MFN1: variants seen among roughly 807,000 people sequenced by gnomAD.
MFN1 encodes the protein mitofusin 1.
In MFN1, 65 loss-of-function variants were observed where a neutral mutation model predicts 92.4. That is an observed-to-expected ratio of 0.70 (90% CI 0.58 to 0.86). MFN1 has a LOEUF of 0.86. Ranked by LOEUF, MFN1 falls within the 40% of genes least tolerant of loss-of-function variation. The probability of loss-of-function intolerance (pLI) is 0.00; values close to 1 mark genes in which losing one functional copy is unlikely to be tolerated. For missense variants in MFN1, 781 were observed against 868.0 expected (o/e 0.90, Z 1.26); for synonymous variants, 297 against 300.9 (o/e 0.99, Z 0.13).
chr3:179,353,842 C>G (rs1016642691), intron 3 of MFN1, among the ~76,000 whole-genome samples: 1 of 152,230 alleles, frequency 6.6e-6, no homozygotes, highest in Non-Finnish European at 1.5e-5. Context: ...TTCCCTTTGC[C>G]TACAACTCAC....
At chr3:179,368,309 T>G (rs1000903444) in intron 9 of MFN1, among the ~76,000 whole-genome samples, 10 of 152,268 alleles carry the variant, frequency 6.6e-5, no homozygotes, top group African/African-American at 1.9e-4. Flanking sequence ...AGATTGTAAT[T>G]TATTCCTTAT....
At chr3:179,360,537 C>T (rs1382022466) in intron 4 of MFN1, among the ~76,000 whole-genome samples, 2 of 138,770 alleles carry the variant, frequency 1.4e-5, no homozygotes, top group African/African-American at 2.8e-5. Context: ...AATTCAGTGC[C>T]ACTCCTTCAG....
At chr3:179,366,886 C>T (rs963091932) in intron 7 of MFN1, among the ~76,000 whole-genome samples, 2 of 152,194 alleles carry the variant, frequency 1.3e-5, no homozygotes, top group Non-Finnish European at 2.9e-5. Flanking sequence ...CATTGCAATT[C>T]TAATGCCTGG....
chr3:179,374,862 A>G (rs1017787952), intron 9 of MFN1, among the ~76,000 whole-genome samples: 1 of 152,204 alleles, frequency 6.6e-6, no homozygotes, highest in Admixed American at 6.5e-5. Flanking sequence ...AATAATCTAG[A>G]TAGAAGGACT....
rs202203450 is a variant in MFN1 at position 179,376,967 on chromosome 3, TG to T, written c.1098-74del. The T allele has an allele frequency of 1.5e-3, 2,196 of 1,481,564 alleles. 33 individuals carry two copies. In the African/African-American group the frequency reaches 0.028, roughly 19 times the overall value. The allele number at this position is 1,481,564 out of a possible 1,614,324, so 91.8% of individuals were successfully genotyped here. ...TCATGCTAATAGATGGTTCAATACA[TG>T]AATGAGTCCCTTGCTGAAATGCTTT... On this transcript the variant is annotated intron_variant, in intron 10 of 17. Coordinates refer to ENST00000471841, the MANE Select transcript of MFN1 (RefSeq NM_033540.3).
At chr3:179,348,179 G>C (rs1210832644) in intron 1 of MFN1, 1 of 152,416 alleles carries the variant, frequency 6.6e-6, no homozygotes, top group Non-Finnish European at 1.5e-5. Context: ...TTCCCACGCA[G>C]CTCCTTCGCG....
rs1713927382 is a variant in MFN1, at chr3:179,392,143, T to C, written c.*84T>C. ...AGTTGTTATTTTTATGAAATTACTT[T>C]AAATATGAATTGTACTAACTGTACC... On this transcript the variant is annotated 3_prime_UTR_variant, in exon 18 of 18. Transcript: ENST00000471841. The C allele has an allele frequency of 5.7e-6, 5 of 881,294 alleles. No homozygotes were observed. Among genetic ancestry groups the C allele is most frequent in the Non-Finnish European group, 7.3e-6 (4 of 546,302 alleles). The allele number at this position is 881,294 out of a possible 1,614,324, so 54.6% of individuals were successfully genotyped here. A position where few individuals can be genotyped will look rare whatever the true frequency, so the allele number is the denominator to read the frequency against.
chr3:179,385,830 A>C (rs1481980456), intron 15 of MFN1, 109 bp downstream of exon 15: 1 of 1,050,838 alleles, frequency 9.5e-7, no homozygotes, highest in Non-Finnish European at 1.4e-6. Flanking sequence ...TAGGATCTGT[A>C]AAATAGTATG....
chr3:179,374,366 GTAATATATATA>G (rs1419116631), intron 9 of MFN1, among the ~76,000 whole-genome samples: 12 of 138,416 alleles, frequency 8.7e-5, no homozygotes, highest in Non-Finnish European at 1.7e-4. Context: ...ACATATATAT[GTAATATATATA>G]TAACATATAT....
chr3:179,350,502 G>A (rs1420140429), intron 2 of MFN1, among the ~76,000 whole-genome samples: 1 of 152,026 alleles, frequency 6.6e-6, no homozygotes, highest in Non-Finnish European at 1.5e-5. Flanking sequence ...AGTTAAATGT[G>A]TATTGTACGT....
At chr3:179,352,232 A>G (rs1712177367) in intron 3 of MFN1, among the ~76,000 whole-genome samples, 197 bp downstream of exon 3, 1 of 152,234 alleles carries the variant, frequency 6.6e-6, no homozygotes, top group Non-Finnish European at 1.5e-5. Context: ...AAAGTCAATC[A>G]TATTTTTACC....
chr3:179,349,101 C>G, intron 2 of MFN1, 138 bp downstream of exon 2: 1 of 559,380 alleles, frequency 1.8e-6, no homozygotes, highest in Non-Finnish European at 2.9e-6. Flanking sequence ...AATAAAACCC[C>G]TTTCTAACCT....
intron 2 of MFN1, 37 bp downstream of exon 2, chr3:179,349,000 G>T: frequency 1.3e-6 from 2 of 1,519,206 alleles, no homozygotes; most frequent in South Asian, 2.4e-5. Flanking sequence ...AATTACTGTT[G>T]AAAATATATA....
rs1357048581 is a variant in MFN1, at chr3:179,364,330, C to G, written c.570C>G (p.Ser190Arg). Residue 190 changes from serine to arginine, a missense_variant, in exon 6 of 18, where the codon AGC (serine) becomes AGG (arginine). Transcript: ENST00000471841. ...PGTDVTTELDSWIDKFCLDAD... is the reference protein window; with the variant it reads ...PGTDVTTELDRWIDKFCLDAD... Reference sequence around the variant, plus strand: ...CAGATGTCACTACAGAGCTGGATAGCTGGATTGATAAGTTTTGCCTAGATG... The same window carrying G: ...CAGATGTCACTACAGAGCTGGATAGGTGGATTGATAAGTTTTGCCTAGATG... 6.2e-7 allele frequency: 1 copy of G among 1,613,626 alleles called. No homozygotes were observed. The highest frequency in any genetic ancestry group is 1.3e-5 in the African/African-American group (1 of 74,896).
chr3:179,383,963 T>C (rs75872497), intron 14 of MFN1, among the ~76,000 whole-genome samples: 11,501 of 152,266 alleles, frequency 0.076, 614 homozygotes, highest in Non-Finnish European at 0.12. Context: ...CAAAGCTGTT[T>C]TACTCATTTG....
At chr3:179,376,957 G>A (rs1713262862) in intron 10 of MFN1, 85 bp from the exon 11 acceptor site, 3 of 1,368,046 alleles carry the variant, frequency 2.2e-6, no homozygotes, top group Non-Finnish European at 3.0e-6. Flanking sequence ...CTAATAGATG[G>A]TTCAATACAT....
chr3:179,358,384 C>T (rs1712431332), intron 3 of MFN1, among the ~76,000 whole-genome samples: 1 of 152,088 alleles, frequency 6.6e-6, no homozygotes, highest in Non-Finnish European at 1.5e-5. Flanking sequence ...AACTCCTGAC[C>T]TCAAGTGATC....
In MFN1 at chr3:179,392,153, T is replaced by C; in HGVS notation, c.*94T>C. 1 of 789,386 alleles carries C rather than the reference T, an allele frequency of 1.3e-6. No homozygotes were observed. Among genetic ancestry groups the C allele is most frequent in the Non-Finnish European group, 2.1e-6 (1 of 472,786 alleles). 48.9% of individuals were successfully genotyped at this position (789,386 alleles called of 1,614,324 possible). ...TTTATGAAATTACTTTAAATATGAATTGTACTAACTGTACCTAAATAGCAA... is the reference window on the plus strand; with the variant it reads ...TTTATGAAATTACTTTAAATATGAACTGTACTAACTGTACCTAAATAGCAA... On this transcript the variant is annotated 3_prime_UTR_variant, in exon 18 of 18. Coordinates refer to ENST00000471841, the MANE Select transcript of MFN1 (RefSeq NM_033540.3).
chr3:179,351,776 C>A, intron 2 of MFN1, 124 bp from the exon 3 acceptor site: 2 of 847,362 alleles, frequency 2.4e-6, no homozygotes, highest in Non-Finnish European at 3.5e-6. Context: ...TTTTACCAAA[C>A]ATTGAGATGC....
Sources: allele counts gnomAD v4.1 joint callset (sites outside exome capture counted in the v4.1 genomes callset), GRCh38; gene constraint gnomAD v4.1.1; transcripts MANE v1.5; gene names NCBI Gene and HGNC (gene_info 2026-07-23, HGNC 2026-07-21).